Variants in DCBLD2 observed in about 807,000 individuals in gnomAD.
DCBLD2 encodes discoidin, CUB and LCCL domain-containing protein 2.
A neutral mutation model predicts 86.8 loss-of-function variants in DCBLD2; 54 were observed. The observed-to-expected ratio is 0.62, with a 90% CI of 0.50 to 0.78. The LOEUF is 0.78. Among genes scored for constraint, DCBLD2 ranks in the 30% least tolerant of loss-of-function variants. DCBLD2 has a pLI of 0.00. For synonymous variants in DCBLD2, 354 were observed against 341.3 expected (o/e 1.04, Z -0.41); for missense variants, 908 against 954.2 (o/e 0.95, Z 0.64).
At chr3:98,808,290 C>A in intron 12 of DCBLD2, 116 bp from the exon 13 acceptor site, 1 of 856,768 alleles carries the variant, frequency 1.2e-6, no homozygotes, top group South Asian at 2.1e-5. Context: ...CACGGAAATA[C>A]CATAAACATT....
chr3:98,867,393 T>C (rs1484134132), intron 2 of DCBLD2, among the ~76,000 whole-genome samples: 3 of 152,234 alleles, frequency 2.0e-5, no homozygotes, highest in Non-Finnish European at 4.4e-5. Context: ...CAGTGGTTTG[T>C]AGTTCTCCTT....
chr3:98,829,516 T>G (rs534390322), intron 3 of DCBLD2, among the ~76,000 whole-genome samples: 1 of 152,332 alleles, frequency 6.6e-6, no homozygotes, highest in East Asian at 1.9e-4. Flanking sequence ...CACTTAAAAG[T>G]AAGAACATGT....
intron 1 of DCBLD2, among the ~76,000 whole-genome samples, chr3:98,893,668 GAA>G (rs982974931): frequency 1.3e-5 from 2 of 152,104 alleles, no homozygotes; most frequent in African/African-American, 4.8e-5. Flanking sequence ...ACAAAGCAAT[GAA>G]AAAAGAGATA....
At chr3:98,813,133 C>T (rs1037001350) in intron 9 of DCBLD2, 3 of 152,158 alleles carry the variant, frequency 2.0e-5, no homozygotes, top group Non-Finnish European at 4.4e-5. Flanking sequence ...GCTCTGTCAT[C>T]CAAGGAATGC....
At chr3:98,837,882 C>G (rs1428419469) in intron 3 of DCBLD2, among the ~76,000 whole-genome samples, 1 of 139,236 alleles carries the variant, frequency 7.2e-6, no homozygotes, top group Non-Finnish European at 1.6e-5. Context: ...ACCCCCCCAC[C>G]TCCCTCCCGG....
chr3:98,899,291 G>T (rs1182682532), intron 1 of DCBLD2, among the ~76,000 whole-genome samples: 2 of 129,018 alleles, frequency 1.6e-5, no homozygotes, highest in Non-Finnish European at 1.6e-5. Context: ...AGACAGTCTC[G>T]CTCTGTCGCC....
chr3:98,849,635 T>G, intron 2 of DCBLD2, 37 bp from the exon 3 acceptor site: 1 of 1,588,926 alleles, frequency 6.3e-7, no homozygotes, highest in South Asian at 1.1e-5. Context: ...TTGGGATGAC[T>G]CTCATGAAGT....
intron 1 of DCBLD2, among the ~76,000 whole-genome samples, chr3:98,892,194 C>A (rs1943673609): frequency 6.6e-6 from 1 of 152,134 alleles, no homozygotes; most frequent in African/African-American, 2.4e-5. Flanking sequence ...AGCTTACATA[C>A]CCTAACCAGT....
intron 13 of DCBLD2, 152 bp from the exon 14 acceptor site, chr3:98,801,801 C>T (rs530587712): frequency 6.5e-5 from 35 of 538,186 alleles, no homozygotes; most frequent in Middle Eastern, 8.1e-4. Flanking sequence ...TGAGAACATG[C>T]GGTGTTTGGT....
chr3:98,901,265 G>A lies in DCBLD2; in HGVS notation c.62C>T (p.Ala21Val). Residue 21 changes from alanine to valine, a missense_variant, in exon 1 of 16, where the codon GCG becomes GTG. By Grantham distance (64) the Ala-to-Val change is moderately conservative. Coordinates refer to ENST00000326840, the MANE Select transcript of DCBLD2 (RefSeq NM_080927.4). ...RCPQCPQVRA[A>V]AAAPAWAALP... is the part of the protein sequence containing the mutation. ...CGCGGCCCAGGCGGGGGCGGCGGCC[G>A]CGGCCCGGACTTGGGGACACTGCGG... is the stretch of plus-strand genomic sequence containing the variant. 1 of 1,530,754 alleles carries A rather than the reference G, an allele frequency of 6.5e-7. No individual in the cohort carries two copies. The highest frequency in any genetic ancestry group is 8.7e-7 in the Non-Finnish European group (1 of 1,144,140). 94.8% of individuals were successfully genotyped at this position (1,530,754 alleles called of 1,614,324 possible). A position where few individuals can be genotyped will look rare whatever the true frequency, so the allele number is the denominator to read the frequency against.
At chr3:98,865,704 C>T (rs557261243) in intron 2 of DCBLD2, among the ~76,000 whole-genome samples, 98 of 134,988 alleles carry the variant, frequency 7.3e-4, no homozygotes, top group African/African-American at 2.0e-3. Flanking sequence ...ATACAATTTT[C>T]TTTTTTTATA....
intron 2 of DCBLD2, among the ~76,000 whole-genome samples, chr3:98,876,718 A>C (rs139719973): frequency 6.5e-4 from 99 of 152,310 alleles, no homozygotes; most frequent in African/African-American, 2.3e-3. Flanking sequence ...ACCTCTAAGA[A>C]TACAAAAATA....
At chr3:98,861,708 C>G (rs963822487) in intron 2 of DCBLD2, among the ~76,000 whole-genome samples, 23 of 152,126 alleles carry the variant, frequency 1.5e-4, no homozygotes, top group Admixed American at 2.6e-4. Flanking sequence ...ACCAGAATCT[C>G]TGGGACACAT....
At chr3:98,869,617 C>T (rs986874765) in intron 2 of DCBLD2, among the ~76,000 whole-genome samples, 3 of 152,176 alleles carry the variant, frequency 2.0e-5, no homozygotes, top group East Asian at 1.9e-4. Context: ...TTGCTGCCAG[C>T]GCTCATTTAA....
chr3:98,877,654 G>A (rs1004207885), intron 2 of DCBLD2, among the ~76,000 whole-genome samples: 2 of 152,000 alleles, frequency 1.3e-5, no homozygotes, highest in African/African-American at 4.8e-5. Flanking sequence ...TTTGTTGATA[G>A]GCATATGGTA....
chr3:98,893,927 A>C (rs1239695375), intron 1 of DCBLD2, among the ~76,000 whole-genome samples: 1 of 152,214 alleles, frequency 6.6e-6, no homozygotes, highest in Non-Finnish European at 1.5e-5. Context: ...CCCACTTGGG[A>C]CTTGATTAGC....
intron 2 of DCBLD2, among the ~76,000 whole-genome samples, chr3:98,878,314 GT>G (rs1411336043): frequency 6.6e-6 from 1 of 152,184 alleles, no homozygotes; most frequent in Non-Finnish European, 1.5e-5. Flanking sequence ...CAGCGCATCT[GT>G]GGTATTCTTG....
At chr3:98,873,568 C>T (rs982358814) in intron 2 of DCBLD2, among the ~76,000 whole-genome samples, 3 of 151,758 alleles carry the variant, frequency 2.0e-5, no homozygotes, top group African/African-American at 7.3e-5. Context: ...TTTAAAAATT[C>T]CTAAAAAATG....
At chr3:98,864,053 A>C (rs1943095185) in intron 2 of DCBLD2, among the ~76,000 whole-genome samples, 1 of 152,264 alleles carries the variant, frequency 6.6e-6, no homozygotes, top group South Asian at 2.1e-4. Context: ...CGATATGAAC[A>C]GACACTTCTC....
Sources: allele counts gnomAD v4.1 joint callset (sites outside exome capture counted in the v4.1 genomes callset), GRCh38; gene constraint gnomAD v4.1.1; transcripts MANE v1.5; gene names NCBI Gene and HGNC (gene_info 2026-07-23, HGNC 2026-07-21).